Variants in NDUFA10 observed in about 807,000 individuals in gnomAD.
NDUFA10 encodes the protein NADH:ubiquinone oxidoreductase subunit A10, also known as NADH dehydrogenase [ubiquinone] 1 alpha subcomplex subunit 10, mitochondrial.
Under a neutral mutation model 47.8 loss-of-function variants are expected in NDUFA10, and 40 were observed. That is an observed-to-expected ratio of 0.84 (90% confidence interval 0.65 to 1.09). The LOEUF (loss-of-function observed/expected upper bound fraction) is 1.09. Among genes scored for constraint, NDUFA10 ranks in the 50% least tolerant of loss-of-function variants. The pLI is 0.00. For synonymous variants in NDUFA10, 183 were observed against 172.2 expected, an observed-to-expected ratio of 1.06 and a Z score of -0.49; for missense variants, 413 against 451.1, an observed-to-expected ratio of 0.92 and a Z score of 0.76.
chr2:239,987,026 A>C lies in NDUFA10; in HGVS notation c.999+3048T>G, dbSNP rs73009331. Among the ~76,000 whole-genome samples, 2,361 of 152,294 alleles carry C rather than the reference A, an allele frequency of 0.016. 35 individuals are homozygous for C. Among genetic ancestry groups the C allele is most frequent in the Non-Finnish European group, 0.025 (1,728 of 68,016 alleles). On this transcript the variant is annotated intron_variant, in intron 9 of 9. Coordinates refer to ENST00000252711, the MANE Select transcript of NDUFA10 (RefSeq NM_004544.4). The surrounding 1 kb of genome is among the most constrained non-coding windows in gnomAD (Gnocchi z 4.8). Reference sequence around the variant, plus strand: ...CTTGAATGCCAAGAAAAGCCTGAGGAACTGATCCAGATTCAAAGAGATGTA... The same window carrying C: ...CTTGAATGCCAAGAAAAGCCTGAGGCACTGATCCAGATTCAAAGAGATGTA...
intron 4 of NDUFA10, among the ~76,000 whole-genome samples, chr2:239,915,986 CCATA>C (rs1693864576): frequency 2.7e-5 from 4 of 145,896 alleles, no homozygotes; most frequent in African/African-American, 1.0e-4. Context: ...ACACACACAC[CCATA>C]CACAGATACA....
intron 4 of NDUFA10, among the ~76,000 whole-genome samples, chr2:239,898,078 C>A (rs1311446562): frequency 6.6e-6 from 1 of 152,170 alleles, no homozygotes; most frequent in Non-Finnish European, 1.5e-5. Flanking sequence ...CTGCAGGAAC[C>A]AACCGGGGCC....
chr2:240,024,703 A>C lies in NDUFA10; in HGVS notation c.75+524T>G, dbSNP rs138592144. 5.8e-3 allele frequency among the ~76,000 whole-genome samples: 886 copies of C among 152,374 alleles called. 9 individuals are homozygous for C. The highest frequency in any genetic ancestry group is 0.02 in the African/African-American group (837 of 41,586). The stretch of plus-strand genomic sequence containing the variant: ...AGGCAGAATGTGACAAAGCAATCCA[A>C]CTGTGTTACAAATGTATGAAACGAT... On this transcript the variant is annotated intron_variant, in intron 1 of 9. Transcript: ENST00000252711.
chr2:239,939,637 G>A (rs553277371), intron 4 of NDUFA10, among the ~76,000 whole-genome samples: 1 of 152,362 alleles, frequency 6.6e-6, no homozygotes, highest in Admixed American at 6.5e-5. Context: ...AATGTCTAAA[G>A]TTTCCAAATA....
chr2:240,013,918 C>T (rs1697232866), intron 5 of NDUFA10: 1 of 152,226 alleles, frequency 6.6e-6, no homozygotes, highest in African/African-American at 2.4e-5. Flanking sequence ...CCCGTCTCTA[C>T]TAAAAATACA....
chr2:239,996,141 C>A lies in NDUFA10; in HGVS notation c.891-5959G>T, dbSNP rs937115767. On this transcript the variant is annotated intron_variant, in intron 8 of 9. Coordinates refer to ENST00000252711, the MANE Select transcript of NDUFA10 (RefSeq NM_004544.4). ...CCCCAACTCTGAGTAACCGATGGAC[C>A]CAGCAGAGAGAAAATCAGTAAGGAT... Among the ~76,000 whole-genome samples the A allele has an allele frequency of 2.0e-5, 3 of 152,034 alleles. 1 individual carries two copies. In the South Asian group the frequency reaches 6.2e-4, roughly 32 times the overall value.
intron 9 of NDUFA10, 78 bp from the exon 10 acceptor site, chr2:239,961,264 C>T (rs1375638679): frequency 8.1e-6 from 13 of 1,606,740 alleles, no homozygotes; most frequent in African/African-American, 4.0e-5. Context: ...AATGTCTACC[C>T]GGCAGATGCC....
At chr2:239,938,095 C>T (rs181390688) in intron 4 of NDUFA10, among the ~76,000 whole-genome samples, 4 of 152,256 alleles carry the variant, frequency 2.6e-5, no homozygotes, top group African/African-American at 9.6e-5. Flanking sequence ...GAGAAGGGAG[C>T]CCAGTGCTCG....
intron 4 of NDUFA10, among the ~76,000 whole-genome samples, chr2:239,941,334 G>A (rs1559299674): frequency 1.3e-5 from 2 of 152,158 alleles, no homozygotes; most frequent in African/African-American, 2.4e-5. Flanking sequence ...TTCACAAACA[G>A]GGACAGACAC....
chr2:239,936,251 G>C (rs917743848), intron 4 of NDUFA10, among the ~76,000 whole-genome samples: 1 of 152,194 alleles, frequency 6.6e-6, no homozygotes, highest in African/African-American at 2.4e-5. Flanking sequence ...GATCTGCCAG[G>C]GTCTCTGCTG....
chr2:239,902,726 G>A (rs1042583231), intron 4 of NDUFA10, among the ~76,000 whole-genome samples: 1 of 152,116 alleles, frequency 6.6e-6, no homozygotes, highest in Non-Finnish European at 1.5e-5. Flanking sequence ...CGCTGTTTGT[G>A]GGACCTTAGG....
intron 8 of NDUFA10, among the ~76,000 whole-genome samples, chr2:239,998,969 C>A (rs1473796427): frequency 6.6e-6 from 1 of 152,162 alleles, no homozygotes; most frequent in Non-Finnish European, 1.5e-5. Flanking sequence ...AAGGCTCCAA[C>A]CCACAGCACA....
At chr2:239,941,630 G>T (rs1371314438) in intron 4 of NDUFA10, among the ~76,000 whole-genome samples, 1 of 151,988 alleles carries the variant, frequency 6.6e-6, no homozygotes, top group African/African-American at 2.4e-5. Context: ...GGAGGCTGAG[G>T]TGGGAAAATG....
intron 4 of NDUFA10, among the ~76,000 whole-genome samples, chr2:239,909,083 C>T (rs576146580): frequency 7.2e-5 from 11 of 152,262 alleles, no homozygotes; most frequent in East Asian, 1.9e-4. Context: ...CCTCCTCCAG[C>T]GCCTCCCAAA....
intron 4 of NDUFA10, among the ~76,000 whole-genome samples, chr2:239,941,563 TA>T (rs1694362193): frequency 6.6e-6 from 1 of 152,032 alleles, no homozygotes; most frequent in Non-Finnish European, 1.5e-5. Context: ...CCATCTCTAC[TA>T]AAAATACAAA....
chr2:240,007,764 G>A (rs1169284711), intron 6 of NDUFA10, among the ~76,000 whole-genome samples: 2 of 152,158 alleles, frequency 1.3e-5, no homozygotes, highest in Non-Finnish European at 2.9e-5. Flanking sequence ...CGAAGCCCAG[G>A]GCCTAACCGA....
intron 5 of NDUFA10, chr2:240,013,461 CATA>C (rs1697217562): frequency 6.6e-6 from 1 of 152,194 alleles, no homozygotes; most frequent in South Asian, 2.1e-4. Flanking sequence ...TAAATGTCAG[CATA>C]ATAAGCAAAG....
rs1694785025 is a variant in NDUFA10, at chr2:239,960,011, A to T, written c.*1107T>A. ...CCACAGGCGGCTGTGGAGTGCCTGA[A>T]CTATGGCCAGTGCAACCAAGGAACC... On this transcript the variant is annotated 3_prime_UTR_variant, in exon 10 of 10. Transcript: ENST00000252711. 1.0e-6 allele frequency: 1 copy of T among 984,752 alleles called. No individual in the cohort carries two copies. The highest frequency in any genetic ancestry group is 1.2e-6 in the Non-Finnish European group (1 of 829,282). 61.0% of individuals were successfully genotyped at this position (984,752 alleles called of 1,614,324 possible).
In NDUFA10 at chr2:239,906,669, C is replaced by A. The variant is rs536550660; in HGVS notation, c.295-11355G>T. Among the ~76,000 whole-genome samples, 157 of 152,206 alleles carry A rather than the reference C, an allele frequency of 1.0e-3. No homozygotes were observed. The highest frequency in any genetic ancestry group is 1.7e-3 in the Non-Finnish European group (117 of 68,032). On this transcript the variant is annotated intron_variant, in intron 4 of 5. Transcript: ENST00000419408. The surrounding 1 kb of genome is among the most constrained non-coding windows in gnomAD (Gnocchi z 4.3). Reference sequence around the variant, plus strand: ...TCCAGACGCTTTGCCCTGCACCCAACCCTAAAGGTGCCTCCTCCTTTCTTC... The same window carrying A: ...TCCAGACGCTTTGCCCTGCACCCAAACCTAAAGGTGCCTCCTCCTTTCTTC...
Sources: gnomAD v4.1 joint callset for allele counts (sites outside exome capture counted in the v4.1 genomes callset) on GRCh38, gnomAD v4.1.1 for gene constraint, Gnocchi (gnomAD v3.1) non-coding constraint, MANE v1.5 for transcripts, NCBI Gene and HGNC (gene_info 2026-07-23, HGNC 2026-07-21) for gene names.